Variants in B3GALT1 observed in about 807,000 individuals in gnomAD.
B3GALT1 encodes UDP-Gal:betaGlcNAc beta 1,3-galactosyltransferase, polypeptide 1.
B3GALT1 carries 10 observed loss-of-function variants against 23.2 expected under a neutral mutation model. That is an observed-to-expected ratio of 0.43 (90% confidence interval 0.27 to 0.73). The LOEUF (loss-of-function observed/expected upper bound fraction) is 0.73. Ranked by LOEUF, B3GALT1 falls within the 30% of genes least tolerant of loss-of-function variation. B3GALT1 has a pLI of 0.21. For synonymous variants in B3GALT1, 156 were observed against 141.5 expected, an observed-to-expected ratio of 1.10 and a Z score of -0.73; for missense variants, 299 against 405.4, an observed-to-expected ratio of 0.74 and a Z score of 2.25.
At chr2:167,724,048 A>G (rs969371130) in intron 3 of B3GALT1, among the ~76,000 whole-genome samples, 1 of 152,214 alleles carries the variant, frequency 6.6e-6, no homozygotes, top group Non-Finnish European at 1.5e-5. Context: ...ACCTAGAGAT[A>G]ACATTTCAAA....
chr2:167,544,016 C>A (rs1683581140), intron 2 of B3GALT1, among the ~76,000 whole-genome samples: 1 of 152,204 alleles, frequency 6.6e-6, no homozygotes, highest in African/African-American at 2.4e-5. Context: ...GCCCTCCAAG[C>A]ATTGTGTCAC....
At chr2:167,759,210 G>T (rs958346455) in intron 3 of B3GALT1, among the ~76,000 whole-genome samples, 1 of 152,192 alleles carries the variant, frequency 6.6e-6, no homozygotes, top group Non-Finnish European at 1.5e-5. Context: ...CCTAAGACCA[G>T]CAGCATATGA....
intron 1 of B3GALT1, among the ~76,000 whole-genome samples, chr2:167,415,195 A>G (rs1385475442): frequency 6.6e-6 from 1 of 152,196 alleles, no homozygotes; most frequent in African/African-American, 2.4e-5. Context: ...GGGTCCTGAA[A>G]GTGCTGCCTT....
At chr2:167,855,049 G>T (rs972928728) in intron 4 of B3GALT1, among the ~76,000 whole-genome samples, 1 of 152,158 alleles carries the variant, frequency 6.6e-6, no homozygotes, top group Non-Finnish European at 1.5e-5. Flanking sequence ...TGTTAAGGAA[G>T]TAGCCCAGTG....
At chr2:167,313,767 C>T (rs1390363333) in intron 1 of B3GALT1, among the ~76,000 whole-genome samples, 1 of 152,148 alleles carries the variant, frequency 6.6e-6, no homozygotes, top group Non-Finnish European at 1.5e-5. Context: ...AGATGCACAA[C>T]AAGCTAGTTT....
chr2:167,646,499 G>A (rs1354677877), intron 2 of B3GALT1, among the ~76,000 whole-genome samples: 1 of 152,184 alleles, frequency 6.6e-6, no homozygotes, highest in Non-Finnish European at 1.5e-5. Flanking sequence ...TTACATAGCT[G>A]AAACTACCTT....
intron 2 of B3GALT1, among the ~76,000 whole-genome samples, chr2:167,618,059 C>G (rs1356612994): frequency 1.3e-5 from 2 of 151,970 alleles, no homozygotes; most frequent in African/African-American, 4.8e-5. Context: ...TGGCAGAAAA[C>G]AAACCAACAA....
intron 1 of B3GALT1, among the ~76,000 whole-genome samples, chr2:167,464,501 G>A (rs1699315300): frequency 1.3e-5 from 2 of 152,118 alleles, no homozygotes; most frequent in Non-Finnish European, 2.9e-5. Context: ...GAAATAAAAT[G>A]TACAGTGCTA....
At chr2:167,821,433 T>C (rs1017956574) in intron 4 of B3GALT1, among the ~76,000 whole-genome samples, 2 of 77,320 alleles carry the variant, frequency 2.6e-5, no homozygotes, top group Non-Finnish European at 2.5e-5. Flanking sequence ...GGAAGGTACT[T>C]TTTTTTTTTT....
chr2:167,458,404 T>C (rs1468077600), intron 1 of B3GALT1, among the ~76,000 whole-genome samples: 2 of 152,258 alleles, frequency 1.3e-5, no homozygotes, highest in Non-Finnish European at 2.9e-5. Context: ...TTGTGAATAA[T>C]GCTGCTATGA....
chr2:167,395,316 AT>A (rs1698077921), intron 1 of B3GALT1, among the ~76,000 whole-genome samples: 1 of 152,042 alleles, frequency 6.6e-6, no homozygotes, highest in Admixed American at 6.5e-5. Flanking sequence ...ATTACCCTGG[AT>A]TGTCTGGGTG....
intron 2 of B3GALT1, among the ~76,000 whole-genome samples, chr2:167,565,992 C>T (rs187287113): frequency 6.6e-6 from 1 of 152,152 alleles, no homozygotes; most frequent in African/African-American, 2.4e-5. Context: ...CCAGCCATCC[C>T]ATGACTGGGT....
intron 1 of B3GALT1, among the ~76,000 whole-genome samples, chr2:167,354,092 C>G (rs1697362440): frequency 6.6e-6 from 1 of 152,244 alleles, no homozygotes. Flanking sequence ...AAGCTTCTAC[C>G]ACTTATGTGT....
chr2:167,699,136 A>C (rs1403521912), intron 3 of B3GALT1, among the ~76,000 whole-genome samples: 1 of 152,156 alleles, frequency 6.6e-6, no homozygotes, highest in Non-Finnish European at 1.5e-5. Context: ...ATACCACAGG[A>C]TTACTGTGAA....
chr2:167,696,296 CA>C (rs35575073), intron 3 of B3GALT1, among the ~76,000 whole-genome samples: 10,888 of 91,550 alleles, frequency 0.12, 223 homozygotes, highest in Middle Eastern at 0.26. Flanking sequence ...TGGTAAGAGG[CA>C]AAAAAAAAAA....
intron 1 of B3GALT1, among the ~76,000 whole-genome samples, chr2:167,337,676 G>A (rs1697080500): frequency 6.6e-6 from 1 of 151,898 alleles, no homozygotes; most frequent in Non-Finnish European, 1.5e-5. Flanking sequence ...GTTGTTAGTT[G>A]TGTAGTTGCT....
chr2:167,784,361 C>G (rs796652747), intron 3 of B3GALT1, among the ~76,000 whole-genome samples: 6 of 152,214 alleles, frequency 3.9e-5, no homozygotes, highest in African/African-American at 1.4e-4. Flanking sequence ...TTTTTCATGA[C>G]AGTGTAAATG....
At position 167,843,243 on chromosome 2, in the gene B3GALT1, A is replaced by C. The variant is rs555369367; in HGVS notation, c.-230+24450A>C. ...GCTGATGTATTTTTAGTCTAATTTGACTGCCTTTATATGAAAGATTATTTC... is the reference window on the plus strand; with the variant it reads ...GCTGATGTATTTTTAGTCTAATTTGCCTGCCTTTATATGAAAGATTATTTC... On this transcript the variant is annotated intron_variant, in intron 4 of 4. Coordinates refer to ENST00000392690, the MANE Select transcript of B3GALT1 (RefSeq NM_020981.4). Among the ~76,000 whole-genome samples, 5 of 152,338 alleles carry C rather than the reference A, an allele frequency of 3.3e-5. No homozygotes were observed. The Middle Eastern group carries it at 0.01, about 311-fold the overall frequency.
intron 4 of B3GALT1, among the ~76,000 whole-genome samples, chr2:167,838,247 T>C (rs1282857766): frequency 6.6e-6 from 1 of 152,162 alleles, no homozygotes; most frequent in African/African-American, 2.4e-5. Flanking sequence ...AGCTGGTTTT[T>C]TGAAAAGATC....
Sources: gnomAD v4.1 joint callset for allele counts (sites outside exome capture counted in the v4.1 genomes callset) on GRCh38, gnomAD v4.1.1 for gene constraint, MANE v1.5 for transcripts, NCBI Gene and HGNC (gene_info 2026-07-23, HGNC 2026-07-21) for gene names.